CMIP: variants seen among roughly 807,000 people sequenced by gnomAD.
The protein encoded by CMIP is C-Maf-inducing protein.
CMIP carries 13 observed loss-of-function variants against 97.3 expected under a neutral mutation model. That is an observed-to-expected ratio of 0.13 (90% CI 0.09 to 0.21). The LOEUF (loss-of-function observed/expected upper bound fraction) is 0.21. Ranked by LOEUF, CMIP falls within the 10% of genes least tolerant of loss-of-function variation. The probability of loss-of-function intolerance (pLI) is 1.00; values close to 1 mark genes in which losing one functional copy is unlikely to be tolerated. For missense variants in CMIP, 847 were observed against 1,024.9 expected, an observed-to-expected ratio of 0.83 and a Z score of 2.37; for synonymous variants, 538 against 436.3, an observed-to-expected ratio of 1.23 and a Z score of -2.91.
chr16:81,503,930 G>A (rs544275912), intron 1 of CMIP, among the ~76,000 whole-genome samples: 1 of 152,256 alleles, frequency 6.6e-6, no homozygotes, highest in South Asian at 2.1e-4. Flanking sequence ...ACCTGGCCCT[G>A]TGCTCCATGG....
At chr16:81,658,026 GT>G (rs1438627033) in intron 5 of CMIP, among the ~76,000 whole-genome samples, 4 of 151,328 alleles carry the variant, frequency 2.6e-5, no homozygotes, top group African/African-American at 9.8e-5. Flanking sequence ...GTAATTGTCT[GT>G]CTTTGAGGTT....
chr16:81,648,121 T>A (rs1597192435), intron 3 of CMIP, among the ~76,000 whole-genome samples: 2 of 151,094 alleles, frequency 1.3e-5, no homozygotes. Flanking sequence ...GATCTTGTCC[T>A]TGTGTCACCA....
At position 81,667,610 on chromosome 16, in the gene CMIP, G is replaced by A. The variant is rs935356190; in HGVS notation, c.826-2532G>A. Among the ~76,000 whole-genome samples, 6 of 152,234 alleles carry A rather than the reference G, an allele frequency of 3.9e-5. No individual in the cohort carries two copies. The East Asian group carries it at 7.7e-4, about 20-fold the overall frequency. The stretch of plus-strand genomic sequence containing the variant: ...CAGTTTACAAAATCATAAAACCCTC[G>A]TGGTGGAAGGGGGCTAGAGATCACT... On this transcript the variant is annotated intron_variant, in intron 7 of 20. Transcript: ENST00000537098.
intron 1 of CMIP, among the ~76,000 whole-genome samples, chr16:81,449,776 G>C (rs1355839050): frequency 1.3e-5 from 2 of 152,092 alleles, no homozygotes; most frequent in Non-Finnish European, 2.9e-5. Flanking sequence ...GAGGGGCTGA[G>C]ACAGAGAGGA....
chr16:81,532,209 G>A (rs569295343), intron 1 of CMIP, among the ~76,000 whole-genome samples: 16 of 152,178 alleles, frequency 1.1e-4, no homozygotes, highest in Non-Finnish European at 1.5e-4. Context: ...TGCTTTCTGC[G>A]TATCTTCACG....
In CMIP at chr16:81,678,563, G is replaced by T; in HGVS notation, c.1323G>T (p.Met441Ile). Residue 441 changes from methionine (M) to isoleucine (I), a missense_variant, in exon 10 of 21, where the codon ATG (methionine) becomes ATT (isoleucine). Met to Ile is a conservative substitution (Grantham distance 10, BLOSUM62 1). Transcript: ENST00000537098. ...TGGTCAGCCCCGCCTGCAGCACCATGAGCATCGAGCTGGGCCCCCAGGCCG... is the reference window on the plus strand; with the variant it reads ...TGGTCAGCCCCGCCTGCAGCACCATTAGCATCGAGCTGGGCCCCCAGGCCG... ...CLMVSPACST[M>I]SIELGPQADR... 6.2e-7 allele frequency: 1 copy of T among 1,608,468 alleles called. No homozygotes were observed.
chr16:81,570,646 T>C (rs4889341), intron 1 of CMIP, among the ~76,000 whole-genome samples: 78,280 of 151,500 alleles, frequency 0.52, 21,104 homozygotes, highest in Non-Finnish European at 0.59. Context: ...GAACCAGGGA[T>C]GGCCTGAGGA....
intron 1 of CMIP, among the ~76,000 whole-genome samples, chr16:81,498,631 A>G (rs2089537886): frequency 6.6e-6 from 1 of 152,172 alleles, no homozygotes; most frequent in African/African-American, 2.4e-5. Context: ...ACATGGCTGC[A>G]CACACTTGCA....
chr16:81,695,997 G>A (rs1023385172), intron 13 of CMIP: 1 of 159,952 alleles, frequency 6.3e-6, no homozygotes, highest in Non-Finnish European at 1.4e-5. Flanking sequence ...AGAAAGGGAG[G>A]GCAGAAGGCA....
intron 1 of CMIP, among the ~76,000 whole-genome samples, chr16:81,475,847 T>C (rs2927331): frequency 0.74 from 112,966 of 151,834 alleles, 42,747 homozygotes; most frequent in African/African-American, 0.88. Flanking sequence ...ATTAGCTGGG[T>C]GTGGTGGGGG....
At chr16:81,475,817 C>T (rs12926539) in intron 1 of CMIP, among the ~76,000 whole-genome samples, 1 of 152,020 alleles carries the variant, frequency 6.6e-6, no homozygotes, top group Non-Finnish European at 1.5e-5. Context: ...AATCCTGTCT[C>T]TACTAAAAAT....
intron 10 of CMIP, among the ~76,000 whole-genome samples, chr16:81,686,047 T>G (rs1183773838): frequency 2.0e-5 from 3 of 152,214 alleles, no homozygotes; most frequent in Non-Finnish European, 4.4e-5. Context: ...GTGTCTCCAT[T>G]TTCCTGCCTA....
intron 1 of CMIP, among the ~76,000 whole-genome samples, chr16:81,521,118 G>T (rs2090017484): frequency 6.6e-6 from 1 of 152,188 alleles, no homozygotes; most frequent in Admixed American, 6.5e-5. Flanking sequence ...ACAGGAGGAG[G>T]GCTTTTATAC....
intron 1 of CMIP, among the ~76,000 whole-genome samples, chr16:81,507,097 T>C (rs1555524345): frequency 6.7e-6 from 1 of 150,326 alleles, no homozygotes; most frequent in Non-Finnish European, 1.5e-5. Context: ...CTAAAAAAAA[T>C]ACAAAAAAAT....
intron 1 of CMIP, among the ~76,000 whole-genome samples, chr16:81,535,259 T>A (rs1229522343): frequency 6.6e-6 from 1 of 152,146 alleles, no homozygotes; most frequent in Non-Finnish European, 1.5e-5. Flanking sequence ...ATAATTTTTT[T>A]AAAATTGAGC....
chr16:81,575,227 A>G (rs185165099), intron 1 of CMIP, among the ~76,000 whole-genome samples: 1 of 152,318 alleles, frequency 6.6e-6, no homozygotes, highest in East Asian at 1.9e-4. Flanking sequence ...GAGGCACAGG[A>G]GAAGTTAGGC....
chr16:81,481,256 C>G (rs528758574), intron 1 of CMIP, among the ~76,000 whole-genome samples: 1 of 152,146 alleles, frequency 6.6e-6, no homozygotes, highest in Non-Finnish European at 1.5e-5. Context: ...GCAGGTGGTA[C>G]GGATTGTTGT....
At chr16:81,577,228 C>A (rs2091207328) in intron 1 of CMIP, among the ~76,000 whole-genome samples, 1 of 150,374 alleles carries the variant, frequency 6.7e-6, no homozygotes, top group Admixed American at 6.6e-5. Context: ...TCACCACCAT[C>A]ATCCCCATTA....
intron 1 of CMIP, among the ~76,000 whole-genome samples, chr16:81,472,354 C>G (rs979050162): frequency 2.6e-5 from 4 of 152,196 alleles, no homozygotes; most frequent in Admixed American, 6.5e-5. Flanking sequence ...AGAAGTGCTT[C>G]GTGAAGATGA....
Sources: allele counts gnomAD v4.1 joint callset (sites outside exome capture counted in the v4.1 genomes callset), GRCh38; gene constraint gnomAD v4.1.1; transcripts MANE v1.5; gene names NCBI Gene and HGNC (gene_info 2026-07-23, HGNC 2026-07-21).